The following RPRD2 variants were observed in gnomAD, a reference collection of about 807,000 sequenced individuals.
The protein encoded by RPRD2 is regulation of nuclear pre-mRNA domain-containing protein 2.
Under a neutral mutation model 104.4 loss-of-function variants are expected in RPRD2, and 12 were observed. The ratio of observed to expected loss-of-function variants is 0.11; its 90% CI spans 0.07 to 0.19. RPRD2 has a LOEUF of 0.19. Ranked by LOEUF, RPRD2 falls within the 10% of genes least tolerant of loss-of-function variation. The pLI is 1.00. For synonymous variants in RPRD2, 714 were observed against 684.9 expected, an observed-to-expected ratio of 1.04 and a Z score of -0.66; for missense variants, 1,543 against 1,790.1, an observed-to-expected ratio of 0.86 and a Z score of 2.49.
intron 1 of RPRD2, among the ~76,000 whole-genome samples, chr1:150,415,046 C>G (rs1274323535): frequency 2.6e-5 from 4 of 152,018 alleles, no homozygotes; most frequent in African/African-American, 9.7e-5. Flanking sequence ...AATAAGAGGT[C>G]GGGTGCGGTG....
intron 2 of RPRD2, among the ~76,000 whole-genome samples, chr1:150,438,544 G>C (rs1485779268): frequency 6.6e-6 from 1 of 151,678 alleles, no homozygotes; most frequent in African/African-American, 2.4e-5. Flanking sequence ...CAGGAAAATC[G>C]TTTGAACCCA....
intron 1 of RPRD2, among the ~76,000 whole-genome samples, chr1:150,384,657 GTGTGTGTGTGTGTGTGTGTGTGTGTT>G (rs1661424304): frequency 7.0e-6 from 1 of 143,846 alleles, no homozygotes; most frequent in African/African-American, 2.8e-5. Context: ...GTGTGTGTGT[GTGTGTGTGTGTGTGTGTGTGTGTGTT>G]TTTAGTAGAG....
At position 150,470,830 on chromosome 1, in the gene RPRD2, T is replaced by C. The variant is rs1255684898; in HGVS notation, c.1882T>C (p.Ser628Pro). 3 of 1,613,798 alleles carry C rather than the reference T, an allele frequency of 1.9e-6. No individual in the cohort carries two copies. In the Admixed American group the frequency reaches 5.0e-5, roughly 27 times the overall value. The change falls in exon 11 of 11, where the codon TCT (serine) becomes CCT (proline). Residue 628 changes from serine (S) to proline (P), a missense_variant. By Grantham distance (74) the Ser-to-Pro change is moderately conservative (BLOSUM62 -1). Coordinates refer to ENST00000369068, the MANE Select transcript of RPRD2 (RefSeq NM_015203.5). ...PSTTFKLPSNSLGFTATHNTS... is the reference protein window; with the variant it reads ...PSTTFKLPSNPLGFTATHNTS... ...CACTACTTTTAAACTACCTTCCAAC[T>C]CTTTGGGGTTTACAGCTACCCACAA...
chr1:150,372,522 A>C (rs1312600352), intron 1 of RPRD2, among the ~76,000 whole-genome samples: 1 of 80,652 alleles, frequency 1.2e-5, no homozygotes, highest in African/African-American at 4.3e-5. Flanking sequence ...CACACACACA[A>C]AGACAGCATA....
At chr1:150,450,466 G>A (rs1436908690) in intron 7 of RPRD2, among the ~76,000 whole-genome samples, 1 of 151,206 alleles carries the variant, frequency 6.6e-6, no homozygotes, top group Non-Finnish European at 1.5e-5. Context: ...AATTAGGTGG[G>A]CGTGGTGGCG....
intron 1 of RPRD2, among the ~76,000 whole-genome samples, chr1:150,401,102 G>A (rs587629019): frequency 2.3e-4 from 35 of 152,154 alleles, no homozygotes; most frequent in South Asian, 1.9e-3. Flanking sequence ...TGTGAACCCG[G>A]GAAGGTGGAG....
intron 1 of RPRD2, among the ~76,000 whole-genome samples, chr1:150,368,235 CTT>C (rs1168144403): frequency 2.4e-5 from 3 of 126,214 alleles, no homozygotes; most frequent in Non-Finnish European, 3.3e-5. Flanking sequence ...AATACGGAGT[CTT>C]AATAGATTTT....
Position 150,369,027 on chromosome 1 carries a change from T to A in RPRD2, c.205+4108T>A, listed in dbSNP as rs145318268. Among the ~76,000 whole-genome samples the A allele has an allele frequency of 7.4e-3, 1,126 of 152,328 alleles. 17 individuals carry two copies. Among genetic ancestry groups the A allele is most frequent in the African/African-American group, 0.026 (1,086 of 41,582 alleles). Reference sequence around the variant, plus strand: ...TTCCCTCCACCAGATGACAAGTTTGTCTTATTTGTTGCCCTGTCCCCAAAC... The same window carrying A: ...TTCCCTCCACCAGATGACAAGTTTGACTTATTTGTTGCCCTGTCCCCAAAC... On this transcript the variant is annotated intron_variant, in intron 1 of 10. Transcript: ENST00000369068.
chr1:150,394,374 A>G (rs1298548087), intron 1 of RPRD2, among the ~76,000 whole-genome samples: 2 of 151,906 alleles, frequency 1.3e-5, no homozygotes, highest in Non-Finnish European at 2.9e-5. Flanking sequence ...TTAAGATATA[A>G]TGCTGCTATG....
At chr1:150,453,311 G>A (rs782285722) in intron 7 of RPRD2, among the ~76,000 whole-genome samples, 21 of 152,080 alleles carry the variant, frequency 1.4e-4, no homozygotes, top group African/African-American at 4.6e-4. Context: ...GATTACAGGC[G>A]TGAGCCACCG....
intron 1 of RPRD2, among the ~76,000 whole-genome samples, chr1:150,387,405 T>G (rs144799401): frequency 2.1e-3 from 325 of 151,978 alleles, no homozygotes; most frequent in Non-Finnish European, 3.6e-3. Flanking sequence ...ACAAAATGGT[T>G]TCTCAGAAAC....
rs755317529 is a variant in RPRD2 at position 150,471,085 on chromosome 1, A to T, written c.2137A>T (p.Thr713Ser). The change falls in exon 11 of 11, where the codon ACT (threonine) becomes TCT (serine). Residue 713 changes from threonine to serine, a missense_variant. Coordinates refer to ENST00000369068, the MANE Select transcript of RPRD2 (RefSeq NM_015203.5). This position sits in a 1 kb window ranked among gnomAD's most constrained non-coding sequence, Gnocchi z 5.3. ...SHPSDFQRGP[T>S]STSIDNIDGT... ...TCCCTCAGACTTCCAGCGTGGCCCT[A>T]CTAGCACCTCAATCGACAACATTGA... The T allele has an allele frequency of 3.7e-6, 6 of 1,613,914 alleles. No individual in the cohort carries two copies. In the Admixed American group the frequency reaches 8.3e-5, roughly 22 times the overall value.
At chr1:150,427,396 C>A (rs587729986) in intron 2 of RPRD2, among the ~76,000 whole-genome samples, 1 of 151,818 alleles carries the variant, frequency 6.6e-6, no homozygotes, top group Non-Finnish European at 1.5e-5. Flanking sequence ...TTGCTTGAAC[C>A]CAGGAGGCAG....
intron 1 of RPRD2, among the ~76,000 whole-genome samples, chr1:150,367,747 G>A (rs587738612): frequency 5.3e-5 from 8 of 151,066 alleles, no homozygotes; most frequent in African/African-American, 1.9e-4. Flanking sequence ...TTTTGAGATG[G>A]AGTCTCGCTC....
intron 7 of RPRD2, among the ~76,000 whole-genome samples, chr1:150,448,113 G>A (rs1666917577): frequency 1.3e-5 from 2 of 152,110 alleles, no homozygotes; most frequent in Non-Finnish European, 2.9e-5. Context: ...GCTCCCATTA[G>A]TTTTCATCTA....
intron 1 of RPRD2, among the ~76,000 whole-genome samples, chr1:150,396,612 T>C (rs1328659129): frequency 6.6e-6 from 1 of 152,166 alleles, no homozygotes; most frequent in Admixed American, 6.6e-5. Flanking sequence ...TTGAATAGGG[T>C]GTCCTTTCCC....
chr1:150,412,337 T>G (rs1664003706), intron 1 of RPRD2, among the ~76,000 whole-genome samples: 1 of 151,820 alleles, frequency 6.6e-6, no homozygotes, highest in Non-Finnish European at 1.5e-5. Context: ...CTGACTAGAG[T>G]GGAGAGTTTG....
rs1387159760 is a variant in RPRD2 at position 150,464,668 on chromosome 1, C to G, written c.1553C>G (p.Pro518Arg). The change falls in exon 10 of 11, where the codon CCA (proline) becomes CGA (arginine). Residue 518 changes from proline to arginine, a missense_variant. By Grantham distance (103) the Pro-to-Arg change is moderately radical (BLOSUM62 -2). Transcript: ENST00000369068. ...ANILSKVEIT[P>R]ESILSALSKT... ...ATCCTCTCCAAGGTGGAGATCACCCCAGAGAGCATTCTGTCTGCACTTTCC... is the reference window on the plus strand; with the variant it reads ...ATCCTCTCCAAGGTGGAGATCACCCGAGAGAGCATTCTGTCTGCACTTTCC... The G allele has an allele frequency of 6.2e-7, 1 of 1,612,844 alleles. No individual in the cohort carries two copies. The highest frequency in any genetic ancestry group is 1.3e-5 in the African/African-American group (1 of 74,768).
Position 150,383,517 on chromosome 1 carries a change from G to A in RPRD2, c.205+18598G>A, listed in dbSNP as rs186817398. 4.8e-3 allele frequency among the ~76,000 whole-genome samples: 718 copies of A among 151,136 alleles called. 12 individuals carry two copies. Among genetic ancestry groups the A allele is most frequent in the Non-Finnish European group, 1.9e-3 (132 of 67,774 alleles). ...TTTTTAGTACAGACGGGGTTTTGCC[G>A]TGTTGGTCAGGCTGGTCTTGAACTC... On this transcript the variant is annotated intron_variant, in intron 1 of 10. Transcript: ENST00000369068.
Sources: allele counts gnomAD v4.1 joint callset (sites outside exome capture counted in the v4.1 genomes callset), GRCh38; gene constraint gnomAD v4.1.1; non-coding constraint Gnocchi (gnomAD v3.1); transcripts MANE v1.5; gene names NCBI Gene and HGNC (gene_info 2026-07-23, HGNC 2026-07-21).